Variants in KPNA4 observed in about 807,000 individuals in gnomAD.
KPNA4 encodes importin subunit alpha-3.
In KPNA4, 13 loss-of-function variants were observed where a neutral mutation model predicts 71.3. The observed-to-expected ratio is 0.18, with a 90% CI of 0.12 to 0.29. The LOEUF (loss-of-function observed/expected upper bound fraction) is 0.29, where lower values mean the gene tolerates loss of function less well. KPNA4 is among the 10% of genes least tolerant of loss of function. The probability of loss-of-function intolerance (pLI) is 1.00; values close to 1 mark genes in which losing one functional copy is unlikely to be tolerated. For missense variants in KPNA4, 334 were observed against 603.2 expected (o/e 0.55, Z 4.67); for synonymous variants, 189 against 195.2 (o/e 0.97, Z 0.26).
At chr3:160,521,527 T>C (rs950644466) in intron 11 of KPNA4, among the ~76,000 whole-genome samples, 44 of 152,128 alleles carry the variant, frequency 2.9e-4, no homozygotes, top group African/African-American at 9.9e-4. Context: ...TCCTTGAACC[T>C]AGGAAGTGGA....
chr3:160,509,944 A>T, intron 13 of KPNA4, 73 bp from the exon 14 acceptor site: 2 of 892,270 alleles, frequency 2.2e-6, no homozygotes, highest in Non-Finnish European at 3.7e-6. Flanking sequence ...TGCTGTGATG[A>T]TTTTTCAACT....
At chr3:160,515,966 AT>A (rs1395554290) in intron 11 of KPNA4, among the ~76,000 whole-genome samples, 3 of 151,862 alleles carry the variant, frequency 2.0e-5, no homozygotes, top group Non-Finnish European at 4.4e-5. Flanking sequence ...AGACAAATGC[AT>A]TCATTCACTA....
intron 1 of KPNA4, among the ~76,000 whole-genome samples, chr3:160,545,898 T>C (rs1213717773): frequency 2.6e-5 from 4 of 152,168 alleles, no homozygotes; most frequent in Non-Finnish European, 1.5e-5. Flanking sequence ...TTTTACGGTT[T>C]TTGATCCAAA....
rs562319942 is a variant in KPNA4, at chr3:160,501,900, T to C, written c.*204A>G. The C allele has an allele frequency of 5.2e-5, 12 of 229,174 alleles. No homozygotes were observed. The East Asian group carries it at 1.0e-3, about 19-fold the overall frequency. The allele number at this position is 229,174 out of a possible 1,614,324, so 14.2% of individuals were successfully genotyped here. A position where few individuals can be genotyped will look rare whatever the true frequency, so the allele number is the denominator to read the frequency against. On this transcript the variant is annotated 3_prime_UTR_variant, in exon 17 of 17. Transcript: ENST00000334256. Reference sequence around the variant, plus strand: ...CATTCTCACTCGCACCCACTCGCCATCTTGACCTCATTTGGGCATTTTCTG... The same window carrying C: ...CATTCTCACTCGCACCCACTCGCCACCTTGACCTCATTTGGGCATTTTCTG...
chr3:160,528,447 C>T (rs1721504130), intron 7 of KPNA4, among the ~76,000 whole-genome samples: 1 of 152,114 alleles, frequency 6.6e-6, no homozygotes, highest in Non-Finnish European at 1.5e-5. Context: ...CTCACTGCAA[C>T]CTCTGCCTCC....
chr3:160,543,754 CAA>C (rs1369140125), intron 1 of KPNA4, among the ~76,000 whole-genome samples: 1 of 152,180 alleles, frequency 6.6e-6, no homozygotes, highest in East Asian at 1.9e-4. Flanking sequence ...AAATTATAAA[CAA>C]GAGCTATTTT....
At chr3:160,544,885 C>T (rs1721875038) in intron 1 of KPNA4, among the ~76,000 whole-genome samples, 1 of 151,902 alleles carries the variant, frequency 6.6e-6, no homozygotes, top group Non-Finnish European at 1.5e-5. Flanking sequence ...GTTATAAGAA[C>T]ATAATAAACT....
intron 11 of KPNA4, 120 bp from the exon 12 acceptor site, chr3:160,515,700 T>C: frequency 3.6e-6 from 4 of 1,107,672 alleles, no homozygotes; most frequent in Non-Finnish European, 5.1e-6. Flanking sequence ...CTGTAACCTC[T>C]GCCTCTCAGG....
At chr3:160,502,795 C>T (rs984231497) in intron 16 of KPNA4, among the ~76,000 whole-genome samples, 1 of 152,074 alleles carries the variant, frequency 6.6e-6, no homozygotes, top group Non-Finnish European at 1.5e-5. Context: ...AAAATTTGGT[C>T]TCATTACAAT....
chr3:160,534,268 G>C (rs901910293), intron 5 of KPNA4, among the ~76,000 whole-genome samples: 2 of 152,064 alleles, frequency 1.3e-5, no homozygotes, highest in African/African-American at 4.8e-5. Context: ...ACTCAACATA[G>C]GGTGTTATTC....
intron 1 of KPNA4, among the ~76,000 whole-genome samples, chr3:160,559,313 T>G (rs992221362): frequency 2.0e-5 from 3 of 152,162 alleles, no homozygotes; most frequent in African/African-American, 7.2e-5. Flanking sequence ...CCAGAGAAAG[T>G]TAGAATTTTA....
chr3:160,531,597 T>C lies in KPNA4; in HGVS notation c.288-40A>G, dbSNP rs189405275. ...AACACTCCTGTGAAACTTAATAACA[T>C]ACAATATTATGATTAAATATAAATT... On this transcript the variant is annotated intron_variant, in intron 5 of 16. Coordinates refer to ENST00000334256, the MANE Select transcript of KPNA4 (RefSeq NM_002268.5). The C allele has an allele frequency of 1.5e-4, 149 of 981,856 alleles. 1 individual carries two copies. In the Middle Eastern group the frequency reaches 6.0e-3, roughly 40 times the overall value. 60.8% of individuals were successfully genotyped at this position (981,856 alleles called of 1,614,324 possible). A position where few individuals can be genotyped will look rare whatever the true frequency, so the allele number is the denominator to read the frequency against.
Position 160,501,592 on chromosome 3 carries a change from G to GAAC in KPNA4, c.*509_*511dup, listed in dbSNP as rs1475855001. ...GTGAAGAGCCCTAGATTTCAAAGATGAACCTGGCTCTCCATCACTGAGCCA... is the reference window on the plus strand; with the variant it reads ...GTGAAGAGCCCTAGATTTCAAAGATGAACAACCTGGCTCTCCATCACTGAGCCA... On this transcript the variant is annotated 3_prime_UTR_variant, in exon 17 of 17. Coordinates refer to ENST00000334256, the MANE Select transcript of KPNA4 (RefSeq NM_002268.5). 1 of 152,636 alleles carries GAAC rather than the reference G, an allele frequency of 6.6e-6. No homozygotes were observed. Among genetic ancestry groups the GAAC allele is most frequent in the Non-Finnish European group, 1.5e-5 (1 of 68,042 alleles). 9.5% of individuals were successfully genotyped at this position (152,636 alleles called of 1,614,324 possible).
chr3:160,543,054 G>T (rs1014296537), intron 1 of KPNA4, among the ~76,000 whole-genome samples: 5 of 151,030 alleles, frequency 3.3e-5, no homozygotes, highest in African/African-American at 1.2e-4. Context: ...ATGTCTATTT[G>T]GAAAAGTCAC....
intron 7 of KPNA4, among the ~76,000 whole-genome samples, chr3:160,528,745 G>C (rs1039128264): frequency 6.6e-6 from 1 of 152,174 alleles, no homozygotes; most frequent in African/African-American, 2.4e-5. Flanking sequence ...GGCCATGTGG[G>C]ATCTTCCGAA....
At chr3:160,556,101 T>G (rs533343073) in intron 1 of KPNA4, among the ~76,000 whole-genome samples, 1 of 152,352 alleles carries the variant, frequency 6.6e-6, no homozygotes, top group South Asian at 2.1e-4. Flanking sequence ...CCAAAGTGCT[T>G]GGGATTACAG....
intron 14 of KPNA4, 138 bp downstream of exon 14, chr3:160,509,662 C>A: frequency 1.5e-6 from 1 of 662,558 alleles, no homozygotes; most frequent in South Asian, 1.8e-5. Flanking sequence ...AAAACCCTGG[C>A]CTCGGGTGAT....
At chr3:160,535,486 T>C (rs1445521857) in intron 5 of KPNA4, 27 bp downstream of exon 5, 1 of 1,570,858 alleles carries the variant, frequency 6.4e-7, no homozygotes, top group South Asian at 1.2e-5. Flanking sequence ...TTGTAAAATC[T>C]AAACATGTCT....
intron 8 of KPNA4, 64 bp from the exon 9 acceptor site, chr3:160,526,171 A>T (rs1019269577): frequency 3.3e-6 from 4 of 1,199,468 alleles, no homozygotes; most frequent in Non-Finnish European, 4.5e-6. Context: ...TTCAGAAAAC[A>T]CAAAGCACTG....
Sources: allele counts gnomAD v4.1 joint callset (sites outside exome capture counted in the v4.1 genomes callset), GRCh38; gene constraint gnomAD v4.1.1; transcripts MANE v1.5; gene names NCBI Gene and HGNC (gene_info 2026-07-23, HGNC 2026-07-21).